Variants in DOCK4 observed in about 807,000 individuals in gnomAD.
DOCK4 encodes the protein dedicator of cytokinesis protein 4.
A neutral mutation model predicts 268.1 loss-of-function variants in DOCK4; 97 were observed. That is an observed-to-expected ratio of 0.36 (90% CI 0.31 to 0.43). The LOEUF (loss-of-function observed/expected upper bound fraction) is 0.43, where lower values mean the gene tolerates loss of function less well. Among genes scored for constraint, DOCK4 ranks in the 20% least tolerant of loss-of-function variants. DOCK4 has a pLI of 1.00. For missense variants in DOCK4, 2,145 were observed against 2,455.7 expected, an observed-to-expected ratio of 0.87 and a Z score of 2.67; for synonymous variants, 954 against 887.2, an observed-to-expected ratio of 1.08 and a Z score of -1.34.
intron 1 of DOCK4, among the ~76,000 whole-genome samples, chr7:112,062,468 TTAAC>T (rs1806508916): frequency 2.0e-5 from 3 of 152,178 alleles, no homozygotes; most frequent in African/African-American, 7.2e-5. Flanking sequence ...GTTTTTATAT[TTAAC>T]TAGTGACTTA....
intron 12 of DOCK4, among the ~76,000 whole-genome samples, chr7:111,927,003 T>C (rs1793770049): frequency 6.6e-6 from 1 of 152,226 alleles, no homozygotes; most frequent in Admixed American, 6.5e-5. Flanking sequence ...TTTTAGCCAG[T>C]ATTGTTCAAT....
rs756149446 is a variant in DOCK4, at chr7:111,905,704, T to TGC, written c.1193-3904_1193-3903insGC. On this transcript the variant is annotated intron_variant, in intron 13 of 52. Coordinates refer to ENST00000428084, the MANE Select transcript of DOCK4 (RefSeq NM_001363540.2). ...ATGTATGTGTGTGTGTGTGTGTGTG[T>TGC]GTGTGTGCACGTGTATTGCGTATAC... Among the ~76,000 whole-genome samples, 71 of 151,984 alleles carry TGC rather than the reference T, an allele frequency of 4.7e-4. 1 individual carries two copies. Among genetic ancestry groups the TGC allele is most frequent in the Middle Eastern group, 3.2e-3 (1 of 316 alleles).
chr7:112,020,337 AC>A (rs1236841118), intron 1 of DOCK4, among the ~76,000 whole-genome samples: 1 of 151,950 alleles, frequency 6.6e-6, no homozygotes, highest in South Asian at 2.1e-4. Flanking sequence ...TCAATCCTGA[AC>A]CCCCCAGGTA....
At chr7:111,883,938 G>A (rs554095539) in intron 16 of DOCK4, among the ~76,000 whole-genome samples, 3 of 152,268 alleles carry the variant, frequency 2.0e-5, no homozygotes, top group Admixed American at 6.5e-5. Context: ...GAACACTGGG[G>A]TGTGTGTAAG....
chr7:111,769,632 G>C lies in DOCK4; in HGVS notation c.3725C>G (p.Ser1242Cys). 2 of 1,613,788 alleles carry C rather than the reference G, an allele frequency of 1.2e-6. No individual in the cohort carries two copies. The highest frequency in any genetic ancestry group is 1.7e-6 in the Non-Finnish European group (2 of 1,179,822). The stretch of plus-strand genomic sequence containing the variant: ...CAGGAACTCCCTGAGGGGCCGATCA[G>C]ACCATTCCAGTAGCTCGTCATATAA... ...LLLYDELLEW[S>C]DRPLREFLTY... Residue 1242 changes from serine to cysteine, a missense_variant, in exon 37 of 53, where the codon TCT becomes TGT. By Grantham distance (112) the Ser-to-Cys change is moderately radical. This residue lies in a region of DOCK4 where 1,598 missense variants were observed against 1,986.7 expected (regional missense o/e 0.80). Transcript: ENST00000428084.
At chr7:111,741,867 G>A (rs540913870) in intron 45 of DOCK4, 146 bp downstream of exon 45, 2 of 1,289,782 alleles carry the variant, frequency 1.6e-6, no homozygotes, top group East Asian at 5.1e-5. Context: ...TAGCAGACAA[G>A]GCAATTGTAT....
intron 16 of DOCK4, among the ~76,000 whole-genome samples, chr7:111,887,743 T>C (rs1187036443): frequency 2.8e-5 from 4 of 144,450 alleles, no homozygotes; most frequent in Non-Finnish European, 6.0e-5. Context: ...AGAAGGAACA[T>C]GGTGCCTATT....
intron 6 of DOCK4, among the ~76,000 whole-genome samples, chr7:111,987,880 C>G (rs1327304169): frequency 1.3e-5 from 2 of 152,188 alleles, no homozygotes; most frequent in Non-Finnish European, 2.9e-5. Flanking sequence ...CTCTTCTATT[C>G]ATTGTCTGTA....
At chr7:111,737,027 T>C (rs1239728952) in intron 49 of DOCK4, 38 bp from the exon 50 acceptor site, 15 of 1,552,852 alleles carry the variant, frequency 9.7e-6, no homozygotes, top group East Asian at 2.3e-5. Flanking sequence ...TGATGTGATA[T>C]ACGGGCATGT....
Position 111,840,276 on chromosome 7 carries a change from C to T in DOCK4, c.2736+4487G>A, listed in dbSNP as rs550733117. On this transcript the variant is annotated intron_variant, in intron 25 of 52. Coordinates refer to ENST00000428084, the MANE Select transcript of DOCK4 (RefSeq NM_001363540.2). Reference sequence around the variant, plus strand: ...CCCATTTCCATACCCCACCACAAACCGACATCACATGAAAATTTTAGATAA... The same window carrying T: ...CCCATTTCCATACCCCACCACAAACTGACATCACATGAAAATTTTAGATAA... 8.0e-4 allele frequency among the ~76,000 whole-genome samples: 122 copies of T among 152,290 alleles called. 1 individual carries two copies. Among genetic ancestry groups the T allele is most frequent in the African/African-American group, 2.8e-3 (115 of 41,558 alleles).
intron 1 of DOCK4, among the ~76,000 whole-genome samples, chr7:112,190,093 T>G (rs1462469443): frequency 6.6e-6 from 1 of 152,206 alleles, no homozygotes; most frequent in Non-Finnish European, 1.5e-5. Flanking sequence ...TTATACATCC[T>G]GGACAACCTT....
At chr7:111,876,101 A>G (rs910252321) in intron 17 of DOCK4, among the ~76,000 whole-genome samples, 3 of 152,208 alleles carry the variant, frequency 2.0e-5, no homozygotes, top group African/African-American at 7.2e-5. Flanking sequence ...AATGCTTTAT[A>G]ATCATTTATT....
At chr7:112,072,177 C>CA (rs1404121794) in intron 1 of DOCK4, among the ~76,000 whole-genome samples, 1 of 152,082 alleles carries the variant, frequency 6.6e-6, no homozygotes, top group East Asian at 1.9e-4. Flanking sequence ...TCCATGTACT[C>CA]AGTAACTACA....
chr7:112,145,777 A>G (rs1246781905), intron 1 of DOCK4, among the ~76,000 whole-genome samples: 2 of 152,084 alleles, frequency 1.3e-5, no homozygotes, highest in African/African-American at 4.8e-5. Context: ...TCACCTCTAA[A>G]GTCCAAGTCA....
chr7:111,896,407 T>C (rs1808751368), intron 15 of DOCK4, among the ~76,000 whole-genome samples: 2 of 151,780 alleles, frequency 1.3e-5, no homozygotes, highest in African/African-American at 4.8e-5. Flanking sequence ...TAATTATTTA[T>C]AGATAGGGAA....
chr7:111,932,011 T>G (rs1794244025), intron 12 of DOCK4, among the ~76,000 whole-genome samples: 1 of 152,200 alleles, frequency 6.6e-6, no homozygotes, highest in African/African-American at 2.4e-5. Context: ...AATCCTGACC[T>G]TTAACGCAGG....
chr7:111,889,548 C>T (rs1423860704), intron 16 of DOCK4, among the ~76,000 whole-genome samples: 1 of 152,128 alleles, frequency 6.6e-6, no homozygotes, highest in Non-Finnish European at 1.5e-5. Flanking sequence ...ACAGTAGCTT[C>T]TACCTGGATT....
chr7:112,021,733 A>G (rs1802335968), intron 1 of DOCK4, among the ~76,000 whole-genome samples: 1 of 152,192 alleles, frequency 6.6e-6, no homozygotes, highest in Admixed American at 6.5e-5. Context: ...TTCTAGTCTA[A>G]TATTTCCTCA....
At chr7:111,778,126 A>C in intron 36 of DOCK4, 150 bp downstream of exon 36, 1 of 564,206 alleles carries the variant, frequency 1.8e-6, no homozygotes, top group Non-Finnish European at 3.1e-6. Flanking sequence ...ATATATATAG[A>C]ATCTGCAGAA....
Sources: allele counts gnomAD v4.1 joint callset (sites outside exome capture counted in the v4.1 genomes callset), GRCh38; gene constraint gnomAD v4.1.1; regional missense constraint gnomAD v4.1.1; transcripts MANE v1.5; gene names NCBI Gene and HGNC (gene_info 2026-07-23, HGNC 2026-07-21).